Variants in NELFE observed in about 807,000 individuals in gnomAD.
The protein encoded by NELFE is negative elongation factor E.
In NELFE, 26 loss-of-function variants were observed where a neutral mutation model predicts 55.5. The observed-to-expected ratio is 0.47, with a 90% confidence interval of 0.34 to 0.65. NELFE has a LOEUF of 0.65. Among genes scored for constraint, NELFE ranks in the 30% least tolerant of loss-of-function variants. NELFE has a pLI of 0.01. For missense variants in NELFE, 403 were observed against 506.9 expected, an observed-to-expected ratio of 0.80 and a Z score of 1.97; for synonymous variants, 162 against 178.0, an observed-to-expected ratio of 0.91 and a Z score of 0.72.
intron 1 of NELFE, 64 bp from the exon 2 acceptor site, chr6:31,958,518 T>C (rs1476618466): frequency 2.9e-6 from 4 of 1,365,888 alleles, no homozygotes; most frequent in Non-Finnish European, 4.2e-6. Flanking sequence ...TCACACGCCG[T>C]CCACACTGTA....
chr6:31,957,755 G>A (rs1488723509), intron 2 of NELFE, among the ~76,000 whole-genome samples: 2 of 152,120 alleles, frequency 1.3e-5, no homozygotes, highest in South Asian at 2.1e-4. Flanking sequence ...AGAAACAGAG[G>A]GAGCAGAATT....
Position 31,954,015 on chromosome 6 carries a change from T to A in NELFE, c.942+65A>T, listed in dbSNP as rs943445086. The A allele has an allele frequency of 2.9e-5, 45 of 1,550,194 alleles. No individual in the cohort carries two copies. The highest frequency in any genetic ancestry group is 4.4e-6 in the Non-Finnish European group (5 of 1,125,660). Reference sequence around the variant, plus strand: ...GAACCAACTTCTTCCTGGCATCTAGTATTTTGAGGAGAACACATGAGAACA... The same window carrying A: ...GAACCAACTTCTTCCTGGCATCTAGAATTTTGAGGAGAACACATGAGAACA... On this transcript the variant is annotated intron_variant, in intron 9 of 10. Coordinates refer to ENST00000375429, the MANE Select transcript of NELFE (RefSeq NM_002904.6). This position sits in a 1 kb window ranked among gnomAD's most constrained non-coding sequence, Gnocchi z 5.5.
rs138737372 is a variant in NELFE at position 31,955,082 on chromosome 6, G to A, written c.381C>T (p.Pro127=). The stretch of plus-strand genomic sequence containing the variant: ...ACCTCTCATACAGAGATTTCCTCTG[G>A]GGACGTCTGGATGACTGTAAAAGAG... The part of the protein sequence containing the change: ...DDDLQESSRR[P]QRKSLYESFV... The change falls in exon 6 of 11, where the codon CCC becomes CCT. Residue 127 remains proline, a synonymous_variant. Coordinates refer to ENST00000375429, the MANE Select transcript of NELFE (RefSeq NM_002904.6). 3 of 1,612,948 alleles carry A rather than the reference G, an allele frequency of 1.9e-6. No individual in the cohort carries two copies. The African/African-American group carries it at 4.0e-5, about 22-fold the overall frequency.
chr6:31,958,371 C>T lies in NELFE; in HGVS notation c.75+1G>A, dbSNP rs752281407. The T allele has an allele frequency of 6.2e-7, 1 of 1,612,938 alleles. No individual in the cohort carries two copies. The highest frequency in any genetic ancestry group is 1.1e-5 in the South Asian group (1 of 91,084). On this transcript the variant is annotated splice_donor_variant, in intron 2 of 10. Transcript: ENST00000375429. LOFTEE classifies it high-confidence loss of function. ...GGCCATGTCCACACACAGTCCCTCA[C>T]CTTTTTCTTGAGCTTGTTGAATTTC...
chr6:31,957,183 G>C, intron 2 of NELFE, 173 bp from the exon 3 acceptor site: 1 of 651,302 alleles, frequency 1.5e-6, no homozygotes, highest in Non-Finnish European at 2.7e-6. Flanking sequence ...TATGATGCTG[G>C]AAATTCCTAA....
chr6:31,958,794 G>A (rs1218815642), intron 1 of NELFE, 98 bp downstream of exon 1: 1 of 683,838 alleles, frequency 1.5e-6, no homozygotes, highest in East Asian at 2.7e-5. Context: ...AGAGAAGGCG[G>A]TGGAGCCAGC....
intron 10 of NELFE, 61 bp from the exon 11 acceptor site, chr6:31,952,459 C>A: frequency 8.1e-7 from 1 of 1,238,220 alleles, no homozygotes; most frequent in South Asian, 1.3e-5. Context: ...GACCCTGAGG[C>A]TGACTCCTGA....
chr6:31,954,399 A>G lies in NELFE; in HGVS notation c.786T>C (p.Asn262=). Residue 262 remains asparagine, a synonymous_variant, in exon 8 of 11, where the codon AAT becomes AAC. Coordinates refer to ENST00000375429, the MANE Select transcript of NELFE (RefSeq NM_002904.6). This position sits in a 1 kb window ranked among gnomAD's most constrained non-coding sequence, Gnocchi z 5.5. ...FPERRAPRKG[N]TLYVYGEDMT... ...TGTCTTCTCCATATACATAGAGAGTATTCCCTTTCCTAGGGGCTCGCCGTT... is the reference window on the plus strand; with the variant it reads ...TGTCTTCTCCATATACATAGAGAGTGTTCCCTTTCCTAGGGGCTCGCCGTT... 6.2e-7 allele frequency: 1 copy of G among 1,611,384 alleles called. No individual in the cohort carries two copies. The highest frequency in any genetic ancestry group is 2.2e-5 in the East Asian group (1 of 44,864).
chr6:31,954,364 G>T lies in NELFE; in HGVS notation c.821C>A (p.Thr274Asn). ...LYVYGEDMTP[T>N]LLRGAFSPFG... is the part of the protein sequence containing the mutation. ...AGGAGAGAAGGCCCCACGGAGAAGG[G>T]TGGGTGTCATGTCTTCTCCATATAC... The change falls in exon 8 of 11, where the codon ACC becomes AAC. Residue 274 changes from threonine to asparagine, a missense_variant. Around this residue, in one of 3 missense-constraint regions of NELFE, gnomAD observed 229 missense variants for 228.3 expected, o/e 1.00. Transcript: ENST00000375429. This position sits in a 1 kb window ranked among gnomAD's most constrained non-coding sequence, Gnocchi z 5.5. The T allele has an allele frequency of 6.2e-7, 1 of 1,613,820 alleles. No homozygotes were observed. Among genetic ancestry groups the T allele is most frequent in the East Asian group, 2.2e-5 (1 of 44,890 alleles).
chr6:31,958,683 T>C lies in NELFE; in HGVS notation c.-9+209A>G, dbSNP rs73729004. The C allele has an allele frequency of 1.3e-3, 892 of 703,160 alleles. 5 individuals carry two copies. The highest frequency in any genetic ancestry group is 0.011 in the African/African-American group (659 of 57,362). The allele number at this position is 703,160 out of a possible 1,614,324, so 43.6% of individuals were successfully genotyped here. The stretch of plus-strand genomic sequence containing the variant: ...CAGACACCAGCACCTTTAGGTACCA[T>C]GTGGTTCAAGGAGGGACAAATATCC... On this transcript the variant is annotated intron_variant, in intron 1 of 10. Coordinates refer to ENST00000375429, the MANE Select transcript of NELFE (RefSeq NM_002904.6).
intron 2 of NELFE, 42 bp downstream of exon 2, chr6:31,958,330 A>G (rs897988746): frequency 6.4e-7 from 1 of 1,566,668 alleles, no homozygotes; most frequent in African/African-American, 1.4e-5. Flanking sequence ...CAGAGTGCAG[A>G]GTCTGTGAAA....
In NELFE at chr6:31,954,642, C is replaced by A; in HGVS notation, c.655G>T (p.Asp219Tyr). The A allele has an allele frequency of 6.2e-7, 1 of 1,606,914 alleles. No individual in the cohort carries two copies. Among genetic ancestry groups the A allele is most frequent in the Non-Finnish European group, 8.5e-7 (1 of 1,175,994 alleles). The change falls in exon 7 of 11, where the codon GAT becomes TAT. Residue 219 changes from aspartate (D) to tyrosine (Y), a missense_variant. By Grantham distance (160) the Asp-to-Tyr change is radical. This residue lies in a region of NELFE where 229 missense variants were observed against 228.3 expected (regional missense o/e 1.00). Transcript: ENST00000375429. The surrounding 1 kb of genome is among the most constrained non-coding windows in gnomAD (Gnocchi z 5.5). ...TCTCGATCTCGATCCCGATCCCGAT[C>A]CCTGTCCCGCTCTCTGTCTCTGTCT... ...DRDRDRERDR[D>Y]RDRDRDRDRE...
Position 31,953,797 on chromosome 6 carries a change from T to A in NELFE, c.977A>T (p.Lys326Ile), listed in dbSNP as rs756234467. Residue 326 changes from lysine to isoleucine, a missense_variant, in exon 10 of 11, where the codon AAA (lysine) becomes ATA (isoleucine). Physicochemically the swap from Lys to Ile is moderately radical, Grantham distance 102 (BLOSUM62 -3). Coordinates refer to ENST00000375429, the MANE Select transcript of NELFE (RefSeq NM_002904.6). ...GGGCTGTTTTCGGGCTATGTTGACT[T>A]TGAGCTGTACAGACTCCACCTGGGT... ...NGTQVESVQL[K>I]VNIARKQPML... is the part of the protein sequence containing the mutation. 1 of 1,613,018 alleles carries A rather than the reference T, an allele frequency of 6.2e-7. No individual in the cohort carries two copies. The highest frequency in any genetic ancestry group is 8.5e-7 in the Non-Finnish European group (1 of 1,180,002).
chr6:31,955,279 T>G lies in NELFE; in HGVS notation c.306A>C (p.Gly102=). 2.5e-6 allele frequency: 4 copies of G among 1,586,518 alleles called. No individual in the cohort carries two copies. The highest frequency in any genetic ancestry group is 1.2e-5 in the South Asian group (1 of 86,602). ...LEGKLKDPEK[G]PVPTFQPFQR... ...GGAACGGCTGGAAAGTGGGGACTGG[T>G]CCCTTCTCGGGGTCCTGGAGTGGTG... Residue 102 remains glycine, a synonymous_variant, in exon 5 of 11, where the codon GGA becomes GGC. Coordinates refer to ENST00000375429, the MANE Select transcript of NELFE (RefSeq NM_002904.6).
At chr6:31,958,708 C>T (rs1470239194) in intron 1 of NELFE, 184 bp downstream of exon 1, 5 of 702,890 alleles carry the variant, frequency 7.1e-6, no homozygotes, top group Non-Finnish European at 1.3e-5. Flanking sequence ...GACAAATATC[C>T]ACTCCGTCGG....
chr6:31,957,119 T>C, intron 2 of NELFE, 109 bp from the exon 3 acceptor site: 2 of 938,544 alleles, frequency 2.1e-6, no homozygotes, highest in Non-Finnish European at 3.3e-6. Context: ...CTTGATGCCC[T>C]CAGAGTGGTA....
Position 31,954,064 on chromosome 6 carries a change from T to C in NELFE, c.942+16A>G, listed in dbSNP as rs759648489. 3 of 1,612,818 alleles carry C rather than the reference T, an allele frequency of 1.9e-6. No homozygotes were observed. Among genetic ancestry groups the C allele is most frequent in the Non-Finnish European group, 2.5e-6 (3 of 1,179,542 alleles). ...CAGCAGAAGCGATGGGAAGAACAGA[T>C]TTGGGAAGTTCCAACCTCAGCAACG... On this transcript the variant is annotated intron_variant, in intron 9 of 10. Transcript: ENST00000375429. The surrounding 1 kb of genome is among the most constrained non-coding windows in gnomAD (Gnocchi z 5.5).
In NELFE at chr6:31,958,595, G is replaced by C. The variant is rs986016219; in HGVS notation, c.-8-141C>G. On this transcript the variant is annotated intron_variant, in intron 1 of 10. Transcript: ENST00000375429. ...CTTTCCCTACCCCTTGCTTAAACCAGGCTGCTGTCCAAGCTCCCGCTGGTC... is the reference window on the plus strand; with the variant it reads ...CTTTCCCTACCCCTTGCTTAAACCACGCTGCTGTCCAAGCTCCCGCTGGTC... 14 of 745,544 alleles carry C rather than the reference G, an allele frequency of 1.9e-5. No homozygotes were observed. In the African/African-American group the frequency reaches 2.4e-4, roughly 13 times the overall value. 46.2% of individuals were successfully genotyped at this position (745,544 alleles called of 1,614,324 possible). A position where few individuals can be genotyped will look rare whatever the true frequency, so the allele number is the denominator to read the frequency against.
chr6:31,954,195 C>T lies in NELFE; in HGVS notation c.888-61G>A, dbSNP rs1201022772. On this transcript the variant is annotated intron_variant, in intron 8 of 10. Coordinates refer to ENST00000375429, the MANE Select transcript of NELFE (RefSeq NM_002904.6). This position sits in a 1 kb window ranked among gnomAD's most constrained non-coding sequence, Gnocchi z 5.5. ...AGGGGCTCTTCTGGACCCAACCAAACCCAGTGATAATAGGCGGCTGCAGGG... is the reference window on the plus strand; with the variant it reads ...AGGGGCTCTTCTGGACCCAACCAAATCCAGTGATAATAGGCGGCTGCAGGG... 1 of 1,611,332 alleles carries T rather than the reference C, an allele frequency of 6.2e-7. No individual in the cohort carries two copies. The highest frequency in any genetic ancestry group is 1.3e-5 in the African/African-American group (1 of 74,828).
Sources: allele counts gnomAD v4.1 joint callset (sites outside exome capture counted in the v4.1 genomes callset), GRCh38; gene constraint gnomAD v4.1.1; regional missense constraint gnomAD v4.1.1; non-coding constraint Gnocchi (gnomAD v3.1); transcripts MANE v1.5; gene names NCBI Gene and HGNC (gene_info 2026-07-23, HGNC 2026-07-21).